PLPP7: variants seen among roughly 807,000 people sequenced by gnomAD.
PLPP7 encodes the protein inactive phospholipid phosphatase 7.
In PLPP7, 11 loss-of-function variants were observed where a neutral mutation model predicts 16.9. The observed-to-expected ratio is 0.65, with a 90% CI of 0.41 to 1.08. The LOEUF (loss-of-function observed/expected upper bound fraction) is 1.08. PLPP7 is among the 50% of genes least tolerant of loss of function. The pLI is 0.00. For synonymous variants in PLPP7, 174 were observed against 175.1 expected, an observed-to-expected ratio of 0.99 and a Z score of 0.05; for missense variants, 358 against 397.1, an observed-to-expected ratio of 0.90 and a Z score of 0.84.
rs990860742 is a variant in PLPP7 at position 131,289,938 on chromosome 9, C to T, written c.-60C>T. On this transcript the variant is annotated 5_prime_UTR_variant, in exon 1 of 2. Transcript: ENST00000372264. ...CGGCTCTGGGGGCAGCTCTTGTCTT[C>T]GGGGAGAAGGCCCTTGGAGCCGGGC... 1.7e-5 allele frequency: 23 copies of T among 1,331,854 alleles called. No homozygotes were observed. Among genetic ancestry groups the T allele is most frequent in the South Asian group, 1.6e-4 (8 of 48,756 alleles). 82.5% of individuals were successfully genotyped at this position (1,331,854 alleles called of 1,614,324 possible).
At chr9:131,306,471 G>C (rs767333601) in intron 1 of PLPP7, among the ~76,000 whole-genome samples, 3 of 73,964 alleles carry the variant, frequency 4.1e-5, no homozygotes, top group Non-Finnish European at 1.1e-4. Context: ...GAACCCGGGA[G>C]GTGGGCAGTG....
At chr9:131,304,851 C>CG (rs1203222009) in intron 1 of PLPP7, among the ~76,000 whole-genome samples, 1 of 152,142 alleles carries the variant, frequency 6.6e-6, no homozygotes, top group Non-Finnish European at 1.5e-5. Flanking sequence ...TCAGTGACTG[C>CG]GGGGGAAAAG....
intron 1 of PLPP7, among the ~76,000 whole-genome samples, chr9:131,297,254 C>T (rs1835743511): frequency 6.6e-6 from 1 of 152,246 alleles, no homozygotes; most frequent in Non-Finnish European, 1.5e-5. Context: ...GTCCCTGGGA[C>T]CTGCTCCTAG....
At chr9:131,305,221 G>A (rs1027097474) in intron 1 of PLPP7, among the ~76,000 whole-genome samples, 18 of 152,282 alleles carry the variant, frequency 1.2e-4, no homozygotes, top group Admixed American at 9.2e-4. Context: ...GCCGAAAGGC[G>A]CAAACAACTC....
At chr9:131,306,371 G>A (rs140271329) in intron 1 of PLPP7, among the ~76,000 whole-genome samples, 2,359 of 151,226 alleles carry the variant, frequency 0.016, 18 homozygotes, top group Non-Finnish European at 0.023. Context: ...GCAAAGCCCC[G>A]TCTCTACTAA....
At chr9:131,304,779 T>G (rs1367820173) in intron 1 of PLPP7, among the ~76,000 whole-genome samples, 2 of 152,212 alleles carry the variant, frequency 1.3e-5, no homozygotes, top group African/African-American at 4.8e-5. Context: ...GCACAGCCCC[T>G]GCCTCCACGA....
At chr9:131,303,048 A>G (rs1835815763) in intron 1 of PLPP7, among the ~76,000 whole-genome samples, 1 of 152,080 alleles carries the variant, frequency 6.6e-6, no homozygotes, top group African/African-American at 2.4e-5. Context: ...CTATGCTCCA[A>G]AGGCCGGGCA....
intron 1 of PLPP7, among the ~76,000 whole-genome samples, chr9:131,301,843 G>A (rs1835801492): frequency 1.4e-5 from 2 of 139,080 alleles, no homozygotes; most frequent in African/African-American, 2.7e-5. Context: ...TTGAGACGGA[G>A]TCTCGCCCTG....
At chr9:131,297,308 C>T (rs1835744361) in intron 1 of PLPP7, among the ~76,000 whole-genome samples, 1 of 152,066 alleles carries the variant, frequency 6.6e-6, no homozygotes, top group South Asian at 2.1e-4. Flanking sequence ...CGCCATCAGT[C>T]TTTCTATTGA....
intron 1 of PLPP7, among the ~76,000 whole-genome samples, chr9:131,306,922 G>A (rs1024503308): frequency 1.3e-5 from 2 of 152,178 alleles, no homozygotes; most frequent in Non-Finnish European, 2.9e-5. Flanking sequence ...CACTGTACAA[G>A]ATGTAAATTT....
At chr9:131,304,296 C>T (rs1278695696) in intron 1 of PLPP7, among the ~76,000 whole-genome samples, 1 of 152,166 alleles carries the variant, frequency 6.6e-6, no homozygotes, top group Non-Finnish European at 1.5e-5. Context: ...CAGGGTGTGG[C>T]AGAGACACGA....
In PLPP7 at chr9:131,308,730, T is replaced by G. The variant is rs1835886010; in HGVS notation, c.*443T>G. On this transcript the variant is annotated 3_prime_UTR_variant, in exon 2 of 2. Coordinates refer to ENST00000372264, the MANE Select transcript of PLPP7 (RefSeq NM_032728.4). ...TGCCTGATGCAGGTGCCATTGCCAT[T>G]AGCGGTCATCGACAGCTTAGGGCAG... 5.7e-6 allele frequency: 1 copy of G among 175,638 alleles called. No individual in the cohort carries two copies. 10.9% of individuals were successfully genotyped at this position (175,638 alleles called of 1,614,324 possible).
chr9:131,306,264 G>A (rs1232577844), intron 1 of PLPP7, among the ~76,000 whole-genome samples: 5 of 148,342 alleles, frequency 3.4e-5, no homozygotes, highest in Non-Finnish European at 4.5e-5. Context: ...TAAAGAGGCC[G>A]GGCGCGGTGG....
At chr9:131,298,085 G>T (rs566167957) in intron 1 of PLPP7, among the ~76,000 whole-genome samples, 2 of 151,998 alleles carry the variant, frequency 1.3e-5, no homozygotes, top group Non-Finnish European at 2.9e-5. Context: ...GTCGTTTCAC[G>T]TTTTTCGGTG....
Position 131,290,244 on chromosome 9 carries a change from A to G in PLPP7, c.247A>G (p.Asn83Asp), listed in dbSNP as rs1451879669. 6.2e-7 allele frequency: 1 copy of G among 1,611,084 alleles called. No individual in the cohort carries two copies. The highest frequency in any genetic ancestry group is 1.3e-5 in the African/African-American group (1 of 74,886). ...CCCCTCCTTCAAGGGCATCGCCTTC[A>G]ACTCCCTGCTGGCCATCGATATCTG... ...LNPSFKGIAF[N>D]SLLAIDICMS... is the part of the protein sequence containing the mutation. Residue 83 changes from asparagine to aspartate, a missense_variant, in exon 1 of 2, where the codon AAC (asparagine) becomes GAC (aspartate). Physicochemically the swap from Asn to Asp is conservative, Grantham distance 23. Transcript: ENST00000372264. This position sits in a 1 kb window ranked among gnomAD's most constrained non-coding sequence, Gnocchi z 4.2.
At position 131,291,358 on chromosome 9, in the gene PLPP7, T is replaced by A. The variant is rs1402790897; in HGVS notation, c.451+910T>A. ...AGGCAAGGCAAACATTAACAAGGGG[T>A]CTCAGTTCCAAAAGGGCATTGGGTT... On this transcript the variant is annotated intron_variant, in intron 1 of 1. Transcript: ENST00000372264. The A allele has an allele frequency of 8.5e-6, 10 of 1,181,700 alleles. No homozygotes were observed. In the African/African-American group the frequency reaches 1.6e-4, roughly 19 times the overall value. The allele number at this position is 1,181,700 out of a possible 1,614,324, so 73.2% of individuals were successfully genotyped here. A position where few individuals can be genotyped will look rare whatever the true frequency, so the allele number is the denominator to read the frequency against.
In PLPP7 at chr9:131,309,160, T is replaced by C. The variant is rs1835891154; in HGVS notation, c.*873T>C. 1 of 152,682 alleles carries C rather than the reference T, an allele frequency of 6.5e-6. No individual in the cohort carries two copies. Among genetic ancestry groups the C allele is most frequent in the South Asian group, 2.1e-4 (1 of 4,830 alleles). The allele number at this position is 152,682 out of a possible 1,614,324, so 9.5% of individuals were successfully genotyped here. A position where few individuals can be genotyped will look rare whatever the true frequency, so the allele number is the denominator to read the frequency against. ...CCGCCCGTGGGCATCGATGAGGCTT[T>C]GGCCCCCAGGGGCCGGACTCCGTGT... On this transcript the variant is annotated 3_prime_UTR_variant, in exon 2 of 2. Coordinates refer to ENST00000372264, the MANE Select transcript of PLPP7 (RefSeq NM_032728.4).
In PLPP7 at chr9:131,295,951, G is replaced by A. The variant is rs1486943955; in HGVS notation, c.451+5503G>A. 3.9e-5 allele frequency among the ~76,000 whole-genome samples: 6 copies of A among 152,096 alleles called. No individual in the cohort carries two copies. The East Asian group carries it at 7.7e-4, about 20-fold the overall frequency. ...CCACATTTTAGCTGTTCTGAGTAAC[G>A]CTGCCGTGCGCACAGGTGTATATGC... is the stretch of plus-strand genomic sequence containing the variant. On this transcript the variant is annotated intron_variant, in intron 1 of 1. Transcript: ENST00000372264. This position sits in a 1 kb window ranked among gnomAD's most constrained non-coding sequence, Gnocchi z 4.0.
chr9:131,290,249 C>A lies in PLPP7; in HGVS notation c.252C>A (p.Ser84=). The change falls in exon 1 of 2, where the codon TCC becomes TCA. Residue 84 remains serine (S), a synonymous_variant. Coordinates refer to ENST00000372264, the MANE Select transcript of PLPP7 (RefSeq NM_032728.4). The surrounding 1 kb of genome is among the most constrained non-coding windows in gnomAD (Gnocchi z 4.2). ...NPSFKGIAFN[S]LLAIDICMSK... ...CCTTCAAGGGCATCGCCTTCAACTCCCTGCTGGCCATCGATATCTGTATGT... is the reference window on the plus strand; with the variant it reads ...CCTTCAAGGGCATCGCCTTCAACTCACTGCTGGCCATCGATATCTGTATGT... 1 of 1,611,620 alleles carries A rather than the reference C, an allele frequency of 6.2e-7. No homozygotes were observed. The highest frequency in any genetic ancestry group is 8.5e-7 in the Non-Finnish European group (1 of 1,178,732).
Sources: gnomAD v4.1 joint callset for allele counts (sites outside exome capture counted in the v4.1 genomes callset) on GRCh38, gnomAD v4.1.1 for gene constraint, Gnocchi (gnomAD v3.1) non-coding constraint, MANE v1.5 for transcripts, NCBI Gene and HGNC (gene_info 2026-07-23, HGNC 2026-07-21) for gene names.